CYTH1: variants seen among roughly 807,000 people sequenced by gnomAD.
CYTH1 encodes cytohesin 1.
Under a neutral mutation model 61.8 loss-of-function variants are expected in CYTH1, and 18 were observed. The ratio of observed to expected loss-of-function variants is 0.29; its 90% CI spans 0.20 to 0.43. The LOEUF (loss-of-function observed/expected upper bound fraction) is 0.43, where lower values mean the gene tolerates loss of function less well. Ranked by LOEUF, CYTH1 falls within the 20% of genes least tolerant of loss-of-function variation. CYTH1 has a pLI of 1.00. For missense variants in CYTH1, 336 were observed against 510.5 expected (o/e 0.66, Z 3.29); for synonymous variants, 174 against 184.3 (o/e 0.94, Z 0.45).
intron 1 of CYTH1, among the ~76,000 whole-genome samples, chr17:78,749,429 C>T (rs2093371074): frequency 6.6e-6 from 1 of 152,148 alleles, no homozygotes; most frequent in South Asian, 2.1e-4. Flanking sequence ...CATTGCACCC[C>T]AGTCTGGGTG....
intron 1 of CYTH1, among the ~76,000 whole-genome samples, chr17:78,773,239 G>A (rs2093478608): frequency 6.6e-6 from 1 of 152,116 alleles, no homozygotes; most frequent in Non-Finnish European, 1.5e-5. Context: ...GGAAGCCAAG[G>A]CAGGAGAATC....
At chr17:78,706,294 C>T (rs925030119) in intron 3 of CYTH1, among the ~76,000 whole-genome samples, 1 of 150,496 alleles carries the variant, frequency 6.6e-6, no homozygotes, top group East Asian at 1.9e-4. Flanking sequence ...GTCAACCCCA[C>T]CCCACCCCGC....
intron 11 of CYTH1, among the ~76,000 whole-genome samples, chr17:78,687,612 A>G (rs548330627): frequency 3.7e-4 from 57 of 152,296 alleles, no homozygotes; most frequent in African/African-American, 1.2e-3. Flanking sequence ...TGGGGCAAAG[A>G]AGGCCCTGGC....
At chr17:78,759,550 A>G (rs796545203) in intron 1 of CYTH1, among the ~76,000 whole-genome samples, 2 of 152,310 alleles carry the variant, frequency 1.3e-5, no homozygotes, top group African/African-American at 4.8e-5. Flanking sequence ...GTAGCTATAT[A>G]CTTGGTAGCT....
chr17:78,711,915 A>G (rs2093136636), intron 1 of CYTH1, among the ~76,000 whole-genome samples: 1 of 151,370 alleles, frequency 6.6e-6, no homozygotes, highest in African/African-American at 2.4e-5. Flanking sequence ...GTCTCTACTA[A>G]AAAAAATACA....
intron 3 of CYTH1, 35 bp from the exon 4 acceptor site, chr17:78,702,639 C>CA: frequency 2.5e-6 from 4 of 1,604,468 alleles, no homozygotes; most frequent in Non-Finnish European, 3.4e-6. Flanking sequence ...TTTAGTACTT[C>CA]AGGCCATCGG....
At position 78,760,594 on chromosome 17, in the gene CYTH1, T is replaced by C. The variant is rs2144715379; in HGVS notation, c.22+21608A>G. ...ACACATACATATATATGTATATATA[T>C]GTATATATATAGTTTAAAAGAAAGC... is the stretch of plus-strand genomic sequence containing the variant. On this transcript the variant is annotated intron_variant, in intron 1 of 13. Coordinates refer to ENST00000446868, the MANE Select transcript of CYTH1 (RefSeq NM_004762.6). 2.3e-5 allele frequency among the ~76,000 whole-genome samples: 3 copies of C among 131,914 alleles called. 1 individual carries two copies. The South Asian group carries it at 7.0e-4, about 31-fold the overall frequency. The allele number at this position is 131,914 out of a possible 152,430, so 86.5% of individuals were successfully genotyped here. A position where few individuals can be genotyped will look rare whatever the true frequency, so the allele number is the denominator to read the frequency against.
At chr17:78,702,010 G>A in intron 5 of CYTH1, 112 bp downstream of exon 5, 1 of 931,684 alleles carries the variant, frequency 1.1e-6, no homozygotes, top group Non-Finnish European at 1.7e-6. Flanking sequence ...TGGGGCTACA[G>A]ATGCTTTAAG....
chr17:78,757,107 C>T (rs573985909), intron 1 of CYTH1, among the ~76,000 whole-genome samples: 1 of 151,310 alleles, frequency 6.6e-6, no homozygotes, highest in Admixed American at 6.6e-5. Context: ...GCCACCATAC[C>T]CAGCTAATTT....
In CYTH1 at chr17:78,698,180, C is replaced by T. The variant is rs574502578; in HGVS notation, c.811+89G>A. Reference sequence around the variant, plus strand: ...ATGCACACGCACAAACACGCACACGCGCACACACGCACGCACGCACACACG... The same window carrying T: ...ATGCACACGCACAAACACGCACACGTGCACACACGCACGCACGCACACACG... On this transcript the variant is annotated intron_variant, in intron 9 of 13. Coordinates refer to ENST00000446868, the MANE Select transcript of CYTH1 (RefSeq NM_004762.6). 1.3e-4 allele frequency: 144 copies of T among 1,075,186 alleles called. No individual in the cohort carries two copies. Among genetic ancestry groups the T allele is most frequent in the East Asian group, 3.3e-4 (14 of 42,348 alleles). The allele number at this position is 1,075,186 out of a possible 1,614,324, so 66.6% of individuals were successfully genotyped here. A position where few individuals can be genotyped will look rare whatever the true frequency, so the allele number is the denominator to read the frequency against.
At chr17:78,768,488 G>C (rs2093457725) in intron 1 of CYTH1, among the ~76,000 whole-genome samples, 1 of 152,184 alleles carries the variant, frequency 6.6e-6, no homozygotes, top group Non-Finnish European at 1.5e-5. Flanking sequence ...CCTATTCTCA[G>C]TATGGAAACT....
In CYTH1 at chr17:78,700,788, G is replaced by T. The variant is rs553433081; in HGVS notation, c.438-345C>A. 2.6e-5 allele frequency among the ~76,000 whole-genome samples: 4 copies of T among 152,284 alleles called. No individual in the cohort carries two copies. The East Asian group carries it at 5.8e-4, about 22-fold the overall frequency. On this transcript the variant is annotated intron_variant, in intron 6 of 13. Coordinates refer to ENST00000446868, the MANE Select transcript of CYTH1 (RefSeq NM_004762.6). The surrounding 1 kb of genome is among the most constrained non-coding windows in gnomAD (Gnocchi z 5.1). ...GATCCACCCGCCTCAGCCTCCCAAAGTGCTGGGAGTACAGGTGTGAGCCAC... is the reference window on the plus strand; with the variant it reads ...GATCCACCCGCCTCAGCCTCCCAAATTGCTGGGAGTACAGGTGTGAGCCAC...
At chr17:78,682,133 T>C (rs1158366590) in intron 11 of CYTH1, among the ~76,000 whole-genome samples, 1 of 152,104 alleles carries the variant, frequency 6.6e-6, no homozygotes, top group Non-Finnish European at 1.5e-5. Context: ...CTATACACAG[T>C]GTCTTCATTA....
At chr17:78,724,634 T>G (rs1283364980) in intron 1 of CYTH1, among the ~76,000 whole-genome samples, 1 of 152,192 alleles carries the variant, frequency 6.6e-6, no homozygotes, top group Non-Finnish European at 1.5e-5. Flanking sequence ...AAAACTGTCC[T>G]GGTTAAGAAC....
chr17:78,677,877 C>T (rs1333992071), intron 13 of CYTH1: 1 of 152,240 alleles, frequency 6.6e-6, no homozygotes, highest in African/African-American at 2.4e-5. Flanking sequence ...ACGGTGGTTA[C>T]CAGTGCAGCT....
intron 1 of CYTH1, among the ~76,000 whole-genome samples, chr17:78,765,213 C>G (rs1025295464): frequency 1.3e-5 from 2 of 152,050 alleles, no homozygotes; most frequent in African/African-American, 4.8e-5. Flanking sequence ...CACCGGGAGG[C>G]CCTCCCTGAG....
intron 3 of CYTH1, among the ~76,000 whole-genome samples, chr17:78,704,092 C>A (rs1434088463): frequency 2.6e-5 from 4 of 152,228 alleles, no homozygotes; most frequent in Non-Finnish European, 5.9e-5. Context: ...CACCAACCAG[C>A]AGCCTTGGGA....
At position 78,709,630 on chromosome 17, in the gene CYTH1, C is replaced by T. The variant is rs146069604; in HGVS notation, c.105+20G>A. 13 of 1,613,788 alleles carry T rather than the reference C, an allele frequency of 8.1e-6. No individual in the cohort carries two copies. The African/African-American group carries it at 1.7e-4, about 22-fold the overall frequency. ...CACTGTGGTTCTTACGTTGGTGAAA[C>T]CACCATGCCACTCTCCTACCTGAAT... On this transcript the variant is annotated intron_variant, in intron 2 of 13. Coordinates refer to ENST00000446868, the MANE Select transcript of CYTH1 (RefSeq NM_004762.6).
chr17:78,769,108 T>C (rs1162709381), intron 1 of CYTH1, among the ~76,000 whole-genome samples: 1 of 151,348 alleles, frequency 6.6e-6, no homozygotes, highest in Admixed American at 6.6e-5. Context: ...ATCACGCCAC[T>C]GCACTCCAGC....
Sources: allele counts gnomAD v4.1 joint callset (sites outside exome capture counted in the v4.1 genomes callset), GRCh38; gene constraint gnomAD v4.1.1; non-coding constraint Gnocchi (gnomAD v3.1); transcripts MANE v1.5; gene names NCBI Gene and HGNC (gene_info 2026-07-23, HGNC 2026-07-21).